The following DCDC1 variants were observed in gnomAD, a reference collection of about 807,000 sequenced individuals.
The protein encoded by DCDC1 is doublecortin domain containing 1, also known as doublecortin domain-containing protein 1.
In DCDC1, 200 loss-of-function variants were observed where a neutral mutation model predicts 178.3. That is an observed-to-expected ratio of 1.12 (90% confidence interval 1.00 to 1.26). The LOEUF (loss-of-function observed/expected upper bound fraction) is 1.26, where lower values mean the gene tolerates loss of function less well. Ranked by LOEUF, DCDC1 falls within the 50% of genes most tolerant of loss-of-function variation. The probability of loss-of-function intolerance (pLI) is 0.00; values close to 1 mark genes in which losing one functional copy is unlikely to be tolerated. For synonymous variants in DCDC1, 690 were observed against 604.8 expected, an observed-to-expected ratio of 1.14 and a Z score of -2.07; for missense variants, 1,983 against 1,749.2, an observed-to-expected ratio of 1.13 and a Z score of -2.38.
chr11:31,005,206 C>T (rs1419473491), intron 20 of DCDC1, among the ~76,000 whole-genome samples: 1 of 152,194 alleles, frequency 6.6e-6, no homozygotes, highest in Non-Finnish European at 1.5e-5. Context: ...CCTTTCTCAT[C>T]ACCAGTAAGT....
rs551233661 is a variant in DCDC1 at position 30,899,550 on chromosome 11, G to C, written c.4756C>G (p.Gln1586Glu). The C allele has an allele frequency of 7.0e-6, 11 of 1,566,480 alleles. No individual in the cohort carries two copies. Among genetic ancestry groups the C allele is most frequent in the East Asian group, 2.3e-5 (1 of 44,074 alleles). Residue 1586 changes from glutamine (Q) to glutamate (E), a missense_variant, in exon 34 of 39, where the codon CAG (glutamine) becomes GAG (glutamate). By Grantham distance (29) the Gln-to-Glu change is conservative. Coordinates refer to ENST00000684477, the MANE Select transcript of DCDC1 (RefSeq NM_001387274.1). The part of the protein sequence containing the change: ...DLDTMRHKMR[Q>E]LKGRRVAACQ... The stretch of plus-strand genomic sequence containing the variant: ...TATAGTTCATACTGACCTTTTAACT[G>C]TCTCATTTTGTGTCTCATGGTATCT...
Position 31,062,953 on chromosome 11 carries a change from C to G in DCDC1, c.2591+1516G>C, listed in dbSNP as rs916986386. On this transcript the variant is annotated intron_variant, in intron 20 of 38. Coordinates refer to ENST00000684477, the MANE Select transcript of DCDC1 (RefSeq NM_001387274.1). The stretch of plus-strand genomic sequence containing the variant: ...TAATGTTATCCCTCCCCCCTCCCCC[C>G]ACCCCACAACAGTCCCCAGAGTGTG... Among the ~76,000 whole-genome samples the G allele has an allele frequency of 4.2e-5, 5 of 118,592 alleles. No individual in the cohort carries two copies. The South Asian group carries it at 1.7e-3, about 41-fold the overall frequency. The allele number at this position is 118,592 out of a possible 152,430, so 77.8% of individuals were successfully genotyped here.
intron 22 of DCDC1, among the ~76,000 whole-genome samples, chr11:30,926,141 T>C (rs986764734): frequency 6.6e-5 from 10 of 152,142 alleles, no homozygotes; most frequent in African/African-American, 2.2e-4. Flanking sequence ...CTGCCCAGCG[T>C]GCTGTGAGAA....
intron 20 of DCDC1, among the ~76,000 whole-genome samples, chr11:31,014,158 G>A (rs2135141405): frequency 6.6e-6 from 1 of 152,168 alleles, no homozygotes; most frequent in East Asian, 1.9e-4. Flanking sequence ...TTTTAAGAAG[G>A]GGAACAGACA....
chr11:31,135,524 A>T (rs1347691187), intron 10 of DCDC1, among the ~76,000 whole-genome samples: 1 of 152,172 alleles, frequency 6.6e-6, no homozygotes, highest in Non-Finnish European at 1.5e-5. Flanking sequence ...TTTTCTAACA[A>T]AAAGTTAGAA....
chr11:30,878,688 T>C lies in DCDC1; in HGVS notation c.5257A>G (p.Arg1753Gly). The C allele has an allele frequency of 6.3e-7, 1 of 1,599,176 alleles. No individual in the cohort carries two copies. The highest frequency in any genetic ancestry group is 8.5e-7 in the Non-Finnish European group (1 of 1,174,468). ...PKELKQLMEI[R>G]ANYARIRRQQ... ...CTTCGGATTCTGGCATAATTTGCTC[T>C]GATCTCCATCAGTTGTTTTAACTCT... Residue 1753 changes from arginine (R) to glycine (G), a missense_variant, in exon 38 of 39, where the codon AGA becomes GGA. Arg to Gly is a moderately radical substitution (Grantham distance 125, BLOSUM62 -2). Transcript: ENST00000684477.
intron 20 of DCDC1, among the ~76,000 whole-genome samples, chr11:31,012,445 A>G (rs1952231093): frequency 6.6e-6 from 1 of 151,858 alleles, no homozygotes; most frequent in Non-Finnish European, 1.5e-5. Context: ...TACAAAATAT[A>G]TATATTTTTA....
At chr11:31,196,946 T>G (rs942604812) in intron 9 of DCDC1, among the ~76,000 whole-genome samples, 8 of 152,092 alleles carry the variant, frequency 5.3e-5, no homozygotes, top group East Asian at 1.9e-4. Context: ...ACGCTAAAGA[T>G]TCTAAGGATT....
At chr11:31,034,188 A>G (rs1364310376) in intron 20 of DCDC1, among the ~76,000 whole-genome samples, 1 of 151,958 alleles carries the variant, frequency 6.6e-6, no homozygotes, top group Non-Finnish European at 1.5e-5. Context: ...TTTATACAAT[A>G]AAGATATAAA....
chr11:31,062,268 A>T, intron 20 of DCDC1, among the ~76,000 whole-genome samples: 1 of 152,154 alleles, frequency 6.6e-6, no homozygotes, highest in East Asian at 1.9e-4. Context: ...CTGAGTAGAA[A>T]TGGCTGCCAA....
chr11:31,024,996 A>T (rs1249849997), intron 20 of DCDC1, among the ~76,000 whole-genome samples: 1 of 151,884 alleles, frequency 6.6e-6, no homozygotes, highest in East Asian at 1.9e-4. Flanking sequence ...TAATTTTTGA[A>T]GCTATAACTT....
At chr11:31,324,360 A>G (rs2137815440) in intron 3 of DCDC1, among the ~76,000 whole-genome samples, 1 of 152,228 alleles carries the variant, frequency 6.6e-6, no homozygotes, top group African/African-American at 2.4e-5. Context: ...GAATAAAAAT[A>G]AGGCATATGT....
chr11:30,939,273 C>T (rs1001836205), intron 21 of DCDC1, among the ~76,000 whole-genome samples: 14 of 152,254 alleles, frequency 9.2e-5, no homozygotes, highest in African/African-American at 1.2e-4. Flanking sequence ...CCAGAGAGAG[C>T]GGGCCACCTA....
rs569954948 is a variant in DCDC1 at position 31,101,616 on chromosome 11, C to T, written c.1983+561G>A. Among the ~76,000 whole-genome samples, 4 of 152,200 alleles carry T rather than the reference C, an allele frequency of 2.6e-5. No homozygotes were observed. The East Asian group carries it at 7.7e-4, about 29-fold the overall frequency. ...AAAGAAAATATGTCAAACAATACAG[C>T]TTAAATAACATAAATCAGGTATAAG... On this transcript the variant is annotated intron_variant, in intron 15 of 38. Transcript: ENST00000684477.
At chr11:31,159,678 T>C (rs1370559527) in intron 9 of DCDC1, among the ~76,000 whole-genome samples, 1 of 152,168 alleles carries the variant, frequency 6.6e-6, no homozygotes, top group Non-Finnish European at 1.5e-5. Flanking sequence ...ATTTGCAAGG[T>C]CAGAAAGGAA....
At chr11:31,321,619 G>A (rs958504388) in intron 3 of DCDC1, among the ~76,000 whole-genome samples, 15 of 152,064 alleles carry the variant, frequency 9.9e-5, no homozygotes, top group South Asian at 2.1e-4. Flanking sequence ...CGTCTTCTGC[G>A]TCGCTCACGC....
chr11:31,182,273 C>T (rs1174548794), intron 9 of DCDC1, among the ~76,000 whole-genome samples: 7 of 152,048 alleles, frequency 4.6e-5, no homozygotes, highest in Non-Finnish European at 1.0e-4. Flanking sequence ...AGAAGAGCAA[C>T]CCCTAAACAC....
intron 9 of DCDC1, among the ~76,000 whole-genome samples, chr11:31,235,105 A>G (rs1234706394): frequency 2.0e-5 from 3 of 152,256 alleles, no homozygotes; most frequent in East Asian, 1.9e-4. Flanking sequence ...CTAAAGAAGG[A>G]TATCTTCATC....
intron 11 of DCDC1, among the ~76,000 whole-genome samples, chr11:31,113,557 G>C (rs979072875): frequency 6.7e-5 from 10 of 150,252 alleles, no homozygotes; most frequent in African/African-American, 2.4e-4. Flanking sequence ...TTTTGTCCTT[G>C]CAATAGTTTG....
Sources: gnomAD v4.1 joint callset for allele counts (sites outside exome capture counted in the v4.1 genomes callset) on GRCh38, gnomAD v4.1.1 for gene constraint, MANE v1.5 for transcripts, NCBI Gene and HGNC (gene_info 2026-07-23, HGNC 2026-07-21) for gene names.